The following CPZ variants were observed in gnomAD, a reference collection of about 807,000 sequenced individuals.
CPZ encodes the protein VEZT/CPZ fusion.
CPZ carries 103 observed loss-of-function variants against 61.8 expected under a neutral mutation model. The observed-to-expected ratio is 1.67, with a 90% CI of 1.42 to 1.96. The LOEUF (loss-of-function observed/expected upper bound fraction) is 1.96. CPZ is among the 30% of genes most tolerant of loss of function. CPZ has a pLI of 0.00. For synonymous variants in CPZ, 551 were observed against 373.7 expected (o/e 1.47, Z -5.47); for missense variants, 1,461 against 914.9 (o/e 1.60, Z -7.70).
chr4:8,615,414 ATTT>A (rs1405263382), intron 9 of CPZ, among the ~76,000 whole-genome samples: 1 of 152,116 alleles, frequency 6.6e-6, no homozygotes, highest in African/African-American at 2.4e-5. Flanking sequence ...AGCTTCTGCT[ATTT>A]TTTTCCCAAG....
At chr4:8,603,810 A>C (rs989714213) in intron 3 of CPZ, 166 bp from the exon 4 acceptor site, 6 of 641,876 alleles carry the variant, frequency 9.3e-6, no homozygotes, top group Non-Finnish European at 1.7e-5. Context: ...TTTGGCTTAG[A>C]TATCGTTGTA....
chr4:8,619,688 ATT>A lies in CPZ; in HGVS notation c.*74_*75del. The A allele has an allele frequency of 8.2e-7, 1 of 1,213,154 alleles. No individual in the cohort carries two copies. Among genetic ancestry groups the A allele is most frequent in the Non-Finnish European group, 1.1e-6 (1 of 903,660 alleles). 75.1% of individuals were successfully genotyped at this position (1,213,154 alleles called of 1,614,324 possible). A position where few individuals can be genotyped will look rare whatever the true frequency, so the allele number is the denominator to read the frequency against. On this transcript the variant is annotated 3_prime_UTR_variant, in exon 11 of 11. Coordinates refer to ENST00000360986, the MANE Select transcript of CPZ (RefSeq NM_001014447.3). ...CCGCATCCCGGGCTCCTGGCTCTTG[ATT>A]TTGTCTGCCACAGACATCCCACAAA...
chr4:8,612,144 T>G lies in CPZ; in HGVS notation c.1345T>G (p.Trp449Gly), dbSNP rs150608392. 13 of 1,500,562 alleles carry G rather than the reference T, an allele frequency of 8.7e-6. No homozygotes were observed. Among genetic ancestry groups the G allele is most frequent in the Non-Finnish European group, 1.2e-5 (13 of 1,119,134 alleles). 93.0% of individuals were successfully genotyped at this position (1,500,562 alleles called of 1,614,324 possible). ...GGGGAGCATCATCAACGGGGCGGACTGGTACAGCTTCACGGGAGGTGCGGC... is the reference window on the plus strand; with the variant it reads ...GGGGAGCATCATCAACGGGGCGGACGGGTACAGCTTCACGGGAGGTGCGGC... ...KRGSIINGAD[W>G]YSFTGGMSDF... Residue 449 changes from tryptophan (W) to glycine (G), a missense_variant, in exon 8 of 11, where the codon TGG becomes GGG. Trp to Gly is a radical substitution (Grantham distance 184). Transcript: ENST00000360986.
Position 8,610,637 on chromosome 4 carries a change from G to A in CPZ, c.1228-1390G>A, listed in dbSNP as rs112663312. ...CAGATGTGGCCTGGGCAGATGGACC[G>A]TTTGTTGGATGTGATTCATTCTTGA... On this transcript the variant is annotated intron_variant, in intron 7 of 10. Coordinates refer to ENST00000360986, the MANE Select transcript of CPZ (RefSeq NM_001014447.3). Among the ~76,000 whole-genome samples the A allele has an allele frequency of 9.7e-4, 147 of 152,312 alleles. 1 individual carries two copies. Among genetic ancestry groups the A allele is most frequent in the African/African-American group, 2.7e-3 (114 of 41,558 alleles).
chr4:8,606,877 C>T lies in CPZ; in HGVS notation c.1047C>T (p.Pro349=), dbSNP rs1026693614. 1.2e-6 allele frequency: 2 copies of T among 1,612,312 alleles called. No individual in the cohort carries two copies. Among genetic ancestry groups the T allele is most frequent in the Non-Finnish European group, 8.5e-7 (1 of 1,179,522 alleles). The change falls in exon 6 of 11, where the codon CCC becomes CCT. Residue 349 remains proline (P), a synonymous_variant. Coordinates refer to ENST00000360986, the MANE Select transcript of CPZ (RefSeq NM_001014447.3). ...CACGCAGCGACCACATCCCCATCCC[C>T]CAGCACTACTGGTGGGGTAAGGTAG... is the stretch of plus-strand genomic sequence containing the variant. ...RGARSDHIPI[P]QHYWWGKVAP...
intron 7 of CPZ, among the ~76,000 whole-genome samples, chr4:8,608,641 C>CGTGTGTGTGTATGCCT (rs57341669): frequency 1.9e-4 from 29 of 151,418 alleles, no homozygotes; most frequent in Non-Finnish European, 2.7e-4. Flanking sequence ...TGTGAGTGCA[C>CGTGTGTGTGTATGCCT]GTGTGTGCGT....
intron 7 of CPZ, among the ~76,000 whole-genome samples, chr4:8,608,835 G>A (rs1289097203): frequency 6.6e-6 from 1 of 152,158 alleles, no homozygotes; most frequent in Non-Finnish European, 1.5e-5. Flanking sequence ...AGACCAAGGG[G>A]AGCCCCAGGG....
At chr4:8,602,170 CAA>C (rs1364032574) in intron 3 of CPZ, 1 of 152,290 alleles carries the variant, frequency 6.6e-6, no homozygotes, top group East Asian at 1.9e-4. Context: ...CTGAGGTGTG[CAA>C]AGAGGTGCCA....
chr4:8,595,421 C>T (rs1160418459), intron 1 of CPZ, among the ~76,000 whole-genome samples: 1 of 152,248 alleles, frequency 6.6e-6, no homozygotes, highest in East Asian at 1.9e-4. Flanking sequence ...GTCGTCCTGG[C>T]TTTGCTCTGT....
At chr4:8,600,257 G>A (rs928469998) in intron 2 of CPZ, among the ~76,000 whole-genome samples, 5 of 152,294 alleles carry the variant, frequency 3.3e-5, no homozygotes, top group South Asian at 2.1e-4. Flanking sequence ...AATTACAGGC[G>A]TTAGCCACCT....
At chr4:8,607,084 T>A (rs778222409) in intron 6 of CPZ, among the ~76,000 whole-genome samples, 183 bp from the exon 7 acceptor site, 11 of 152,154 alleles carry the variant, frequency 7.2e-5, no homozygotes, top group Non-Finnish European at 1.5e-4. Flanking sequence ...CAGAGATTCA[T>A]GTTGGAAACG....
intron 7 of CPZ, 119 bp from the exon 8 acceptor site, chr4:8,611,908 T>A (rs1715730572): frequency 7.2e-7 from 1 of 1,391,144 alleles, no homozygotes; most frequent in Admixed American, 1.9e-5. Context: ...CAGACACCAT[T>A]CCCCTCTCCT....
chr4:8,604,145 G>T lies in CPZ; in HGVS notation c.666G>T (p.Leu222=). 1.3e-6 allele frequency: 2 copies of T among 1,585,748 alleles called. No homozygotes were observed. The change falls in exon 4 of 11, where the codon CTG becomes CTT. Residue 222 remains leucine (L), a synonymous_variant. Transcript: ENST00000360986. ...SIGRSFDGRE[L]LVIEFSSRPG... ...GGCGCAGCTTCGACGGCAGGGAGCTGCTGGTCATCGAGTTCTCCAGCCGCC... is the reference window on the plus strand; with the variant it reads ...GGCGCAGCTTCGACGGCAGGGAGCTTCTGGTCATCGAGTTCTCCAGCCGCC...
Position 8,619,293 on chromosome 4 carries a change from C to G in CPZ, c.1635C>G (p.Pro545=). ...APDGDYWRLL[P]PGIHIVIAQA... is the part of the protein sequence containing the mutation. ...ATGGTGACTACTGGAGACTGCTGCC[C>G]CCAGGTATCCACATTGTCATTGCCC... The change falls in exon 11 of 11, where the codon CCC becomes CCG. Residue 545 remains proline (P), a synonymous_variant. Coordinates refer to ENST00000360986, the MANE Select transcript of CPZ (RefSeq NM_001014447.3). 1 of 1,613,462 alleles carries G rather than the reference C, an allele frequency of 6.2e-7. No individual in the cohort carries two copies. Among genetic ancestry groups the G allele is most frequent in the Non-Finnish European group, 8.5e-7 (1 of 1,179,722 alleles).
intron 6 of CPZ, 68 bp from the exon 7 acceptor site, chr4:8,607,199 G>T: frequency 1.3e-6 from 2 of 1,540,234 alleles, no homozygotes; most frequent in Non-Finnish European, 1.8e-6. Flanking sequence ...GGCTGCTGAA[G>T]CCCAGGGCAT....
intron 4 of CPZ, among the ~76,000 whole-genome samples, chr4:8,605,368 CA>C (rs2109322879): frequency 4.9e-5 from 3 of 60,992 alleles, no homozygotes; most frequent in African/African-American, 2.5e-4. Flanking sequence ...TCAGCCATTA[CA>C]CATCCATCCA....
intron 10 of CPZ, 145 bp from the exon 11 acceptor site, chr4:8,619,117 G>A (rs994958203): frequency 6.0e-6 from 4 of 666,620 alleles, no homozygotes; most frequent in African/African-American, 5.5e-5. Context: ...GGGGTGGGAA[G>A]GACGTTCCAG....
intron 7 of CPZ, among the ~76,000 whole-genome samples, chr4:8,610,096 G>A (rs1023935882): frequency 6.6e-6 from 1 of 152,242 alleles, no homozygotes; most frequent in African/African-American, 2.4e-5. Context: ...GTGGGAATGA[G>A]CATAGCCAGT....
rs1391846860 is a variant in CPZ at position 8,601,457 on chromosome 4, A to G, written c.456A>G (p.Arg152=). 2 of 1,529,408 alleles carry G rather than the reference A, an allele frequency of 1.3e-6. No homozygotes were observed. Among genetic ancestry groups the G allele is most frequent in the Non-Finnish European group, 1.8e-6 (2 of 1,137,384 alleles). 94.7% of individuals were successfully genotyped at this position (1,529,408 alleles called of 1,614,324 possible). The change falls in exon 3 of 11, where the codon AGA becomes AGG. Residue 152 remains arginine (R), a synonymous_variant. Transcript: ENST00000360986. ...TTGACTGCCACCGCTACTTCACGAG[A>G]GAGGACGAGGGCTGCTATGACCCGC... ...YFLDCHRYFT[R]EDEGCYDPLE... is the part of the protein sequence containing the mutation.
Sources: gnomAD v4.1 joint callset for allele counts (sites outside exome capture counted in the v4.1 genomes callset) on GRCh38, gnomAD v4.1.1 for gene constraint, MANE v1.5 for transcripts, NCBI Gene and HGNC (gene_info 2026-07-23, HGNC 2026-07-21) for gene names.